PPM1L: variants seen among roughly 807,000 people sequenced by gnomAD.
The protein encoded by PPM1L is protein phosphatase 1L.
PPM1L carries 13 observed loss-of-function variants against 31.4 expected under a neutral mutation model. That is an observed-to-expected ratio of 0.41 (90% CI 0.27 to 0.66). The LOEUF (loss-of-function observed/expected upper bound fraction) is 0.66. Among genes scored for constraint, PPM1L ranks in the 30% least tolerant of loss-of-function variants. PPM1L has a pLI of 0.29. For synonymous variants in PPM1L, 184 were observed against 175.4 expected, an observed-to-expected ratio of 1.05 and a Z score of -0.39; for missense variants, 326 against 453.7, an observed-to-expected ratio of 0.72 and a Z score of 2.56.
intron 1 of PPM1L, among the ~76,000 whole-genome samples, chr3:160,767,889 A>T (rs1055100239): frequency 1.3e-5 from 2 of 152,252 alleles, no homozygotes; most frequent in East Asian, 3.9e-4. Context: ...AAGTGCTTTC[A>T]TTTATCGTTT....
rs186843255 is a variant in PPM1L, at chr3:161,011,368, T to G, written c.574+49458T>G. ...TTCTGAGAGCTCTATTCTGTTCCAT[T>G]GGTCTATATCTCTCTTTTGGTACCA... On this transcript the variant is annotated intron_variant, in intron 2 of 3. Coordinates refer to ENST00000498165, the MANE Select transcript of PPM1L (RefSeq NM_139245.4). Among the ~76,000 whole-genome samples, 649 of 152,334 alleles carry G rather than the reference T, an allele frequency of 4.3e-3. 5 individuals carry two copies. Among genetic ancestry groups the G allele is most frequent in the African/African-American group, 0.014 (600 of 41,564 alleles).
chr3:160,767,116 G>A lies in PPM1L; in HGVS notation c.399+10409G>A, dbSNP rs532521046. On this transcript the variant is annotated intron_variant, in intron 1 of 3. Transcript: ENST00000498165. ...AGTTTGTACAGAAGCTAAAGGCGCC[G>A]TAGCAGTAGGCTGTATTTCTGAGAC... 5.9e-5 allele frequency among the ~76,000 whole-genome samples: 9 copies of A among 152,286 alleles called. No homozygotes were observed. The East Asian group carries it at 1.2e-3, about 20-fold the overall frequency.
intron 1 of PPM1L, among the ~76,000 whole-genome samples, chr3:160,786,764 A>G (rs1711945426): frequency 6.6e-6 from 1 of 152,022 alleles, no homozygotes; most frequent in African/African-American, 2.4e-5. Flanking sequence ...CCATCCTCAA[A>G]TAGGCCCTGG....
chr3:160,913,703 G>T (rs1232123564), intron 1 of PPM1L, among the ~76,000 whole-genome samples: 1 of 152,066 alleles, frequency 6.6e-6, no homozygotes, highest in South Asian at 2.1e-4. Flanking sequence ...ATGTTTTTGA[G>T]ATTCATCCAT....
At chr3:160,826,844 T>C (rs1260190478) in intron 1 of PPM1L, among the ~76,000 whole-genome samples, 1 of 152,170 alleles carries the variant, frequency 6.6e-6, no homozygotes, top group African/African-American at 2.4e-5. Flanking sequence ...CTGTACAGAA[T>C]TATCAGCTAT....
Position 160,941,361 on chromosome 3 carries a change from G to A in PPM1L, c.400-20375G>A, listed in dbSNP as rs144891288. 9.2e-5 allele frequency among the ~76,000 whole-genome samples: 14 copies of A among 152,158 alleles called. No individual in the cohort carries two copies. The East Asian group carries it at 2.7e-3, about 29-fold the overall frequency. The stretch of plus-strand genomic sequence containing the variant: ...AGGACATGAGATTTAGAGGGGACAG[G>A]GGCAGAATGACATGCTTGGCTGTGT... On this transcript the variant is annotated intron_variant, in intron 1 of 3. Coordinates refer to ENST00000498165, the MANE Select transcript of PPM1L (RefSeq NM_139245.4).
chr3:160,963,577 T>A (rs1716037063), intron 2 of PPM1L, among the ~76,000 whole-genome samples: 1 of 152,084 alleles, frequency 6.6e-6, no homozygotes, highest in Non-Finnish European at 1.5e-5. Context: ...TGGAAATGGC[T>A]GAAATTTTCC....
intron 2 of PPM1L, among the ~76,000 whole-genome samples, chr3:161,046,143 T>C (rs925661097): frequency 3.1e-5 from 3 of 97,338 alleles, no homozygotes; most frequent in African/African-American, 4.4e-5. Context: ...AATCAATGAA[T>C]ACAGGAGCTG....
chr3:160,813,079 C>A (rs1712857955), intron 1 of PPM1L, among the ~76,000 whole-genome samples: 2 of 152,052 alleles, frequency 1.3e-5, no homozygotes, highest in South Asian at 2.1e-4. Context: ...CTAGAGAAAA[C>A]CCTGTTTTCT....
At chr3:161,040,199 T>C (rs897502021) in intron 2 of PPM1L, among the ~76,000 whole-genome samples, 1 of 152,206 alleles carries the variant, frequency 6.6e-6, no homozygotes, top group African/African-American at 2.4e-5. Flanking sequence ...AGACACCCCT[T>C]TGCTTTCTTC....
chr3:160,954,008 C>T (rs1005399644), intron 1 of PPM1L, among the ~76,000 whole-genome samples: 2 of 152,264 alleles, frequency 1.3e-5, no homozygotes, highest in Non-Finnish European at 1.5e-5. Context: ...GACCACAGTA[C>T]GCATTGCCAT....
chr3:160,939,434 T>C (rs770099277), intron 1 of PPM1L, among the ~76,000 whole-genome samples: 34 of 152,196 alleles, frequency 2.2e-4, no homozygotes, highest in Middle Eastern at 6.3e-3. Context: ...CCTTTGGACA[T>C]GGTATGATAT....
At chr3:160,936,432 T>G (rs1714976399) in intron 1 of PPM1L, among the ~76,000 whole-genome samples, 1 of 152,172 alleles carries the variant, frequency 6.6e-6, no homozygotes, top group South Asian at 2.1e-4. Flanking sequence ...ATTTTAATGG[T>G]CTGAGATTCA....
chr3:161,024,580 C>A (rs909671849), intron 2 of PPM1L, among the ~76,000 whole-genome samples: 3 of 152,028 alleles, frequency 2.0e-5, no homozygotes, highest in Non-Finnish European at 4.4e-5. Flanking sequence ...TGCCTGTAAT[C>A]CCAGCTACTC....
At chr3:161,042,445 T>G (rs1011016361) in intron 2 of PPM1L, among the ~76,000 whole-genome samples, 2 of 152,122 alleles carry the variant, frequency 1.3e-5, no homozygotes, top group Admixed American at 1.3e-4. Context: ...GCCCAGAAAG[T>G]CAGGGACAAT....
chr3:160,885,381 G>A (rs958490729), intron 1 of PPM1L, among the ~76,000 whole-genome samples: 1 of 152,210 alleles, frequency 6.6e-6, no homozygotes, highest in African/African-American at 2.4e-5. Flanking sequence ...AATGCATTAG[G>A]TAGGATGTTC....
chr3:160,824,212 T>C (rs144244648), intron 1 of PPM1L, among the ~76,000 whole-genome samples: 5 of 152,160 alleles, frequency 3.3e-5, no homozygotes, highest in African/African-American at 9.6e-5. Context: ...GTTAGTTTGC[T>C]TTCTGCCATG....
chr3:160,942,256 G>A (rs1715186985), intron 1 of PPM1L, among the ~76,000 whole-genome samples: 1 of 151,998 alleles, frequency 6.6e-6, no homozygotes, highest in African/African-American at 2.4e-5. Flanking sequence ...CCTGTACATT[G>A]GTTTCTTATT....
At chr3:160,923,761 G>T (rs1310999453) in intron 1 of PPM1L, among the ~76,000 whole-genome samples, 1 of 152,198 alleles carries the variant, frequency 6.6e-6, no homozygotes, top group Non-Finnish European at 1.5e-5. Flanking sequence ...TATGCCCCAA[G>T]AATGATTCTC....
Sources: gnomAD v4.1 joint callset for allele counts (sites outside exome capture counted in the v4.1 genomes callset) on GRCh38, gnomAD v4.1.1 for gene constraint, MANE v1.5 for transcripts, NCBI Gene and HGNC (gene_info 2026-07-23, HGNC 2026-07-21) for gene names.